The following DIS3L2 variants were observed in gnomAD, a reference collection of about 807,000 sequenced individuals.
The protein encoded by DIS3L2 is DIS3-like exonuclease 2.
Under a neutral mutation model 97.5 loss-of-function variants are expected in DIS3L2, and 34 were observed. The observed-to-expected ratio is 0.35, with a 90% CI of 0.27 to 0.46. The LOEUF is 0.46. Among genes scored for constraint, DIS3L2 ranks in the 20% least tolerant of loss-of-function variants. DIS3L2 has a pLI of 1.00. For missense variants in DIS3L2, 1,038 were observed against 1,146.0 expected (o/e 0.91, Z 1.36); for synonymous variants, 435 against 445.2 (o/e 0.98, Z 0.29).
intron 8 of DIS3L2, among the ~76,000 whole-genome samples, chr2:232,148,325 G>C (rs1050228441): frequency 1.4e-4 from 21 of 152,218 alleles, no homozygotes; most frequent in Admixed American, 8.5e-4. Flanking sequence ...GGGATTACCT[G>C]TGTGAGCCAC....
At position 232,054,861 on chromosome 2, in the gene DIS3L2, A is replaced by G. The variant is rs1382724294; in HGVS notation, c.366+24781A>G. On this transcript the variant is annotated intron_variant, in intron 5 of 20. Transcript: ENST00000325385. ...CACAGATACAAATATCCTAAATAAA[A>G]TAATAGAAAATTGAATCCATAGATA... 4.6e-5 allele frequency among the ~76,000 whole-genome samples: 7 copies of G among 152,204 alleles called. 1 individual carries two copies. The South Asian group carries it at 1.4e-3, about 31-fold the overall frequency.
At chr2:232,332,253 C>CTTG (rs1426750993) in intron 16 of DIS3L2, among the ~76,000 whole-genome samples, 2 of 151,584 alleles carry the variant, frequency 1.3e-5, no homozygotes, top group Non-Finnish European at 2.9e-5. Flanking sequence ...GTGCCCACCT[C>CTTG]CCCCAGAGAC....
At chr2:232,163,701 T>C (rs1690723574) in intron 9 of DIS3L2, 69 bp downstream of exon 9, 2 of 1,493,042 alleles carry the variant, frequency 1.3e-6, no homozygotes, top group South Asian at 2.7e-5. Context: ...GGGCTAGGCT[T>C]AGATGTTTTC....
intron 5 of DIS3L2, among the ~76,000 whole-genome samples, chr2:232,042,528 G>C (rs1695138094): frequency 6.6e-6 from 1 of 152,104 alleles, no homozygotes; most frequent in Non-Finnish European, 1.5e-5. Context: ...AGAGTAGTAT[G>C]GTAGGTAAGG....
chr2:232,272,187 A>T (rs1403551222), intron 13 of DIS3L2, among the ~76,000 whole-genome samples: 1 of 152,180 alleles, frequency 6.6e-6, no homozygotes, highest in Non-Finnish European at 1.5e-5. Flanking sequence ...AGGTTGCATT[A>T]TTCTGGAAGT....
intron 1 of DIS3L2, among the ~76,000 whole-genome samples, chr2:231,984,528 A>G (rs1168644065): frequency 6.6e-6 from 1 of 150,980 alleles, no homozygotes; most frequent in Admixed American, 6.6e-5. Context: ...CTGGGACTAC[A>G]GGCGCCTGCT....
At chr2:232,247,616 C>CGGGGGGGG (rs1491505436) in intron 11 of DIS3L2, among the ~76,000 whole-genome samples, 5 of 6,522 alleles carry the variant, frequency 7.7e-4, no homozygotes, top group Non-Finnish European at 1.3e-3. Context: ...ATAACTGCCG[C>CGGGGGGGG]GGGGGGGGGG....
At chr2:232,204,988 A>G (rs974814011) in intron 9 of DIS3L2, among the ~76,000 whole-genome samples, 4 of 152,036 alleles carry the variant, frequency 2.6e-5, no homozygotes, top group African/African-American at 7.2e-5. Context: ...CCAATTTTCC[A>G]TAGTGAGAGA....
At chr2:232,075,803 C>T (rs1426704003) in intron 5 of DIS3L2, among the ~76,000 whole-genome samples, 1 of 152,190 alleles carries the variant, frequency 6.6e-6, no homozygotes, top group Admixed American at 6.5e-5. Context: ...AGGCTCCCAA[C>T]TGAGTGTACT....
At chr2:232,283,919 A>T (rs1200746087) in intron 13 of DIS3L2, among the ~76,000 whole-genome samples, 1 of 152,186 alleles carries the variant, frequency 6.6e-6, no homozygotes, top group East Asian at 1.9e-4. Context: ...CATTATGCCA[A>T]TGTCAGTTTC....
intron 5 of DIS3L2, among the ~76,000 whole-genome samples, chr2:232,075,913 G>A (rs1696172333): frequency 1.3e-5 from 2 of 152,122 alleles, no homozygotes; most frequent in African/African-American, 4.8e-5. Flanking sequence ...CAATAGTTTT[G>A]TGATATTAGA....
chr2:231,964,385 G>T (rs915776754), intron 1 of DIS3L2, among the ~76,000 whole-genome samples: 1 of 152,142 alleles, frequency 6.6e-6, no homozygotes, highest in Admixed American at 6.5e-5. Context: ...GGACTGACTA[G>T]GTTTGAGGTT....
At chr2:232,328,258 G>A (rs887960941) in intron 14 of DIS3L2, among the ~76,000 whole-genome samples, 3 of 152,214 alleles carry the variant, frequency 2.0e-5, no homozygotes, top group African/African-American at 7.2e-5. Context: ...TGTGTGCCAT[G>A]AGCCAGCCCA....
chr2:232,331,597 C>A (rs1695739625), intron 16 of DIS3L2: 1 of 152,224 alleles, frequency 6.6e-6, no homozygotes, highest in Admixed American at 6.5e-5. Flanking sequence ...TCTGCCCAGC[C>A]AAGCACCTGT....
At chr2:232,230,491 G>C (rs1692759442) in intron 10 of DIS3L2, among the ~76,000 whole-genome samples, 1 of 152,172 alleles carries the variant, frequency 6.6e-6, no homozygotes, top group Non-Finnish European at 1.5e-5. Context: ...TGGCCACAGG[G>C]TCAAGAGGGG....
chr2:232,303,984 C>T (rs1271127973), intron 14 of DIS3L2, among the ~76,000 whole-genome samples: 1 of 152,138 alleles, frequency 6.6e-6, no homozygotes, highest in Non-Finnish European at 1.5e-5. Context: ...ATTCTTAAAG[C>T]TCTGAGGTCA....
intron 1 of DIS3L2, among the ~76,000 whole-genome samples, chr2:231,962,789 A>C (rs566170673): frequency 6.6e-6 from 1 of 152,206 alleles, no homozygotes; most frequent in African/African-American, 2.4e-5. Context: ...CCCACTTGTA[A>C]GTGTGCTCAA....
intron 8 of DIS3L2, among the ~76,000 whole-genome samples, chr2:232,142,088 T>G (rs1690065931): frequency 1.3e-5 from 2 of 152,172 alleles, no homozygotes; most frequent in South Asian, 4.1e-4. Flanking sequence ...TCTTTAAAGA[T>G]AGCTCTGAGG....
At chr2:232,231,019 G>A (rs1692774549) in intron 10 of DIS3L2, among the ~76,000 whole-genome samples, 1 of 152,140 alleles carries the variant, frequency 6.6e-6, no homozygotes, top group African/African-American at 2.4e-5. Flanking sequence ...TTTCCTCATA[G>A]ACACCTTTTC....
Sources: gnomAD v4.1 joint callset for allele counts (sites outside exome capture counted in the v4.1 genomes callset) on GRCh38, gnomAD v4.1.1 for gene constraint, MANE v1.5 for transcripts, NCBI Gene and HGNC (gene_info 2026-07-23, HGNC 2026-07-21) for gene names.